DTD1: variants seen among roughly 807,000 people sequenced by gnomAD.
DTD1 encodes the protein D-aminoacyl-tRNA deacylase 1.
Under a neutral mutation model 25.6 loss-of-function variants are expected in DTD1, and 13 were observed. That is an observed-to-expected ratio of 0.51 (90% CI 0.33 to 0.81). The LOEUF is 0.81. DTD1 is among the 30% of genes least tolerant of loss of function. The pLI, the probability that DTD1 is intolerant of heterozygous loss-of-function variation, is 0.02. For missense variants in DTD1, 193 were observed against 266.4 expected, an observed-to-expected ratio of 0.72 and a Z score of 1.92; for synonymous variants, 110 against 103.6, an observed-to-expected ratio of 1.06 and a Z score of -0.37.
At chr20:18,628,930 C>T (rs542193032) in intron 4 of DTD1, among the ~76,000 whole-genome samples, 50 of 150,790 alleles carry the variant, frequency 3.3e-4, no homozygotes, top group African/African-American at 1.0e-3. Context: ...GCCAGTGATG[C>T]GGCAGTAAGG....
chr20:18,670,001 A>G (rs1600355033), intron 4 of DTD1, among the ~76,000 whole-genome samples: 2 of 152,234 alleles, frequency 1.3e-5, no homozygotes, highest in East Asian at 1.9e-4. Flanking sequence ...CCACAAGTCT[A>G]TGCTCTAACT....
intron 3 of DTD1, among the ~76,000 whole-genome samples, chr20:18,620,831 G>A (rs2060731094): frequency 6.6e-6 from 1 of 152,102 alleles, no homozygotes. Flanking sequence ...GGGTTCAAGT[G>A]ATCCTCCTGC....
intron 4 of DTD1, among the ~76,000 whole-genome samples, chr20:18,672,878 G>A (rs542608226): frequency 6.6e-6 from 1 of 152,318 alleles, no homozygotes; most frequent in South Asian, 2.1e-4. Flanking sequence ...TGATAAGCCA[G>A]ACAGGTGCTG....
chr20:18,675,578 A>G (rs1025075265), intron 4 of DTD1: 5 of 152,110 alleles, frequency 3.3e-5, no homozygotes, highest in African/African-American at 1.2e-4. Flanking sequence ...CATTTTCTTC[A>G]AACTTTGTAC....
chr20:18,641,210 T>C (rs1481917250), intron 4 of DTD1, among the ~76,000 whole-genome samples: 2 of 152,184 alleles, frequency 1.3e-5, no homozygotes, highest in Non-Finnish European at 2.9e-5. Flanking sequence ...GAATATTCTC[T>C]TGTATACCGT....
At chr20:18,672,863 T>C (rs1326620626) in intron 4 of DTD1, among the ~76,000 whole-genome samples, 2 of 152,222 alleles carry the variant, frequency 1.3e-5, no homozygotes, top group African/African-American at 4.8e-5. Context: ...TATGGTTGTT[T>C]GTTATGATAA....
chr20:18,615,949 G>C lies in DTD1; in HGVS notation c.371-12178G>C, dbSNP rs1287840818. 2.0e-5 allele frequency among the ~76,000 whole-genome samples: 3 copies of C among 152,164 alleles called. No individual in the cohort carries two copies. In the South Asian group the frequency reaches 6.2e-4, roughly 32 times the overall value. ...GTTTTGTGCTTAGTACTTGATTTCT[G>C]TGGATTTGTTTAATTTTCTACTCTG... On this transcript the variant is annotated intron_variant, in intron 3 of 5. Coordinates refer to ENST00000377452, the MANE Select transcript of DTD1 (RefSeq NM_080820.6).
chr20:18,701,677 T>G (rs1215944304), intron 4 of DTD1, among the ~76,000 whole-genome samples: 2 of 152,216 alleles, frequency 1.3e-5, no homozygotes, highest in East Asian at 1.9e-4. Flanking sequence ...GACATAGGCC[T>G]GACACACAGG....
chr20:18,619,968 A>C (rs1253409250), intron 3 of DTD1: 1 of 152,060 alleles, frequency 6.6e-6, no homozygotes, highest in Non-Finnish European at 1.5e-5. Flanking sequence ...TATTATTTTT[A>C]GTTTTTAATT....
intron 4 of DTD1, chr20:18,643,297 C>T (rs955180851): frequency 1.1e-4 from 35 of 331,196 alleles, no homozygotes; most frequent in Admixed American, 2.4e-4. Flanking sequence ...GTTGAGAGTG[C>T]GTAGTTGAGA....
chr20:18,686,611 T>C (rs2061017519), intron 4 of DTD1, among the ~76,000 whole-genome samples: 1 of 152,064 alleles, frequency 6.6e-6, no homozygotes, highest in African/African-American at 2.4e-5. Context: ...ATTTCTTATA[T>C]GTGAGGTTGA....
chr20:18,647,469 C>T (rs2060854583), intron 4 of DTD1, among the ~76,000 whole-genome samples: 1 of 152,104 alleles, frequency 6.6e-6, no homozygotes, highest in African/African-American at 2.4e-5. Context: ...ATAGGTGTCC[C>T]TGAGCACAGA....
chr20:18,669,528 G>C (rs969410395), intron 4 of DTD1, among the ~76,000 whole-genome samples: 1 of 152,090 alleles, frequency 6.6e-6, no homozygotes, highest in Non-Finnish European at 1.5e-5. Context: ...TTGGCTTTCT[G>C]TTCCTCATCT....
chr20:18,666,861 A>T (rs1057117290), intron 4 of DTD1, among the ~76,000 whole-genome samples: 5 of 152,250 alleles, frequency 3.3e-5, no homozygotes, highest in Non-Finnish European at 5.9e-5. Context: ...CAAAAAGCAC[A>T]TTAGTTTCCA....
chr20:18,708,222 T>G (rs190510513), intron 4 of DTD1, among the ~76,000 whole-genome samples: 2 of 22,850 alleles, frequency 8.8e-5, no homozygotes, highest in Non-Finnish European at 1.4e-4. Context: ...ATATATAATA[T>G]ATATATATTT....
chr20:18,648,647 C>G (rs1302364251), intron 4 of DTD1, among the ~76,000 whole-genome samples: 1 of 152,082 alleles, frequency 6.6e-6, no homozygotes, highest in South Asian at 2.1e-4. Context: ...TGTCATGGTG[C>G]TTCTATTTTC....
intron 5 of DTD1, among the ~76,000 whole-genome samples, chr20:18,759,968 G>A (rs374597852): frequency 4.1e-4 from 63 of 151,902 alleles, no homozygotes; most frequent in Middle Eastern, 3.4e-3. Context: ...TTCTCTTCTC[G>A]CTTCATTTCA....
At chr20:18,602,873 G>T (rs2122258866) in intron 3 of DTD1, among the ~76,000 whole-genome samples, 1 of 111,796 alleles carries the variant, frequency 8.9e-6, no homozygotes, top group South Asian at 2.9e-4. Flanking sequence ...CAACTAATGA[G>T]CAAAATCACC....
At chr20:18,758,170 T>G (rs1473342342) in intron 5 of DTD1, among the ~76,000 whole-genome samples, 2 of 152,144 alleles carry the variant, frequency 1.3e-5, no homozygotes, top group Non-Finnish European at 2.9e-5. Context: ...TTTTTCTTCT[T>G]TATTAGTCTT....
Sources: allele counts gnomAD v4.1 joint callset (sites outside exome capture counted in the v4.1 genomes callset), GRCh38; gene constraint gnomAD v4.1.1; transcripts MANE v1.5; gene names NCBI Gene and HGNC (gene_info 2026-07-23, HGNC 2026-07-21).